CAD: variants seen among roughly 807,000 people sequenced by gnomAD.
CAD encodes the protein multifunctional protein CAD.
Under a neutral mutation model 237.2 loss-of-function variants are expected in CAD, and 81 were observed. That is an observed-to-expected ratio of 0.34 (90% CI 0.29 to 0.41). CAD has a LOEUF of 0.41. CAD is among the 10% of genes least tolerant of loss of function. The pLI is 1.00. For synonymous variants in CAD, 1,196 were observed against 1,162.8 expected (o/e 1.03, Z -0.58); for missense variants, 2,181 against 2,951.7 (o/e 0.74, Z 6.05).
chr2:27,240,820 T>C lies in CAD; in HGVS notation c.5594-91T>C, dbSNP rs2148095365. The C allele has an allele frequency of 7.0e-7, 1 of 1,432,522 alleles. No individual in the cohort carries two copies. Among genetic ancestry groups the C allele is most frequent in the Non-Finnish European group, 9.8e-7 (1 of 1,022,758 alleles). The allele number at this position is 1,432,522 out of a possible 1,614,324, so 88.7% of individuals were successfully genotyped here. A position where few individuals can be genotyped will look rare whatever the true frequency, so the allele number is the denominator to read the frequency against. On this transcript the variant is annotated intron_variant, in intron 35 of 43. Transcript: ENST00000264705. This position sits in a 1 kb window ranked among gnomAD's most constrained non-coding sequence, Gnocchi z 4.6. ...TACTGTGTTGTGAATTGGTTTAACA[T>C]ATACACTGTGATTCAGAGTTCCTGG...
At position 27,233,375 on chromosome 2, in the gene CAD, C is replaced by T. The variant is rs759374129; in HGVS notation, c.3055C>T (p.Leu1019=). ...EGVILSMGGQ[L]PNNMAMALHR... ...TGTGATCCTATCCATGGGTGGACAGCTGCCCAACAACATGGCCATGGCGTT... is the reference window on the plus strand; with the variant it reads ...TGTGATCCTATCCATGGGTGGACAGTTGCCCAACAACATGGCCATGGCGTT... The change falls in exon 20 of 44, where the codon CTG becomes TTG. Residue 1019 remains leucine, a synonymous_variant. Transcript: ENST00000264705. The surrounding 1 kb of genome is among the most constrained non-coding windows in gnomAD (Gnocchi z 6.3). 2 of 1,614,262 alleles carry T rather than the reference C, an allele frequency of 1.2e-6. No individual in the cohort carries two copies. Among genetic ancestry groups the T allele is most frequent in the Non-Finnish European group, 1.7e-6 (2 of 1,180,044 alleles).
In CAD at chr2:27,225,955, G is replaced by A. The variant is rs769597250; in HGVS notation, c.1842+29G>A. ...AGTGAATGGGGGAAGGGTGGGCGTC[G>A]TGTCAGGCAGGATGAGCTTTTGGAA... On this transcript the variant is annotated intron_variant, in intron 12 of 43. Coordinates refer to ENST00000264705, the MANE Select transcript of CAD (RefSeq NM_004341.5). The A allele has an allele frequency of 4.3e-5, 68 of 1,598,402 alleles. No homozygotes were observed. In the Middle Eastern group the frequency reaches 5.0e-4, roughly 12 times the overall value.
In CAD at chr2:27,237,763, G is replaced by A; in HGVS notation, c.4609G>A (p.Ala1537Thr). 6.2e-7 allele frequency: 1 copy of A among 1,614,228 alleles called. No individual in the cohort carries two copies. The highest frequency in any genetic ancestry group is 8.5e-7 in the Non-Finnish European group (1 of 1,180,040). Residue 1537 changes from alanine (A) to threonine (T), a missense_variant, in exon 29 of 44, where the codon GCC becomes ACC. Physicochemically the swap from Ala to Thr is moderately conservative, Grantham distance 58 (BLOSUM62 0). This residue lies in a region of CAD where 478 missense variants were observed against 515.0 expected (regional missense o/e 0.93). Transcript: ENST00000264705. This position sits in a 1 kb window ranked among gnomAD's most constrained non-coding sequence, Gnocchi z 4.0. ...ARCDFALFLG[A>T]SSENAGTLGT... Reference sequence around the variant, plus strand: ...GTGCGACTTTGCGCTATTCCTTGGGGCCTCGTCTGAAAATGCAGGAACCTT... The same window carrying A: ...GTGCGACTTTGCGCTATTCCTTGGGACCTCGTCTGAAAATGCAGGAACCTT...
At position 27,239,835 on chromosome 2, in the gene CAD, T is replaced by G. The variant is rs745747825; in HGVS notation, c.5496+37T>G. ...ACTGGGCTAGGGGGCTGGGAGGTGT[T>G]AGTCTCAGGGCAGGATGAACAGCTT... On this transcript the variant is annotated intron_variant, in intron 34 of 43. Coordinates refer to ENST00000264705, the MANE Select transcript of CAD (RefSeq NM_004341.5). The surrounding 1 kb of genome is among the most constrained non-coding windows in gnomAD (Gnocchi z 4.0). 1 of 1,405,342 alleles carries G rather than the reference T, an allele frequency of 7.1e-7. No homozygotes were observed. The highest frequency in any genetic ancestry group is 9.7e-7 in the Non-Finnish European group (1 of 1,035,792). 87.1% of individuals were successfully genotyped at this position (1,405,342 alleles called of 1,614,324 possible).
rs1021861119 is a variant in CAD, at chr2:27,240,417, C to G, written c.5593+56C>G. Reference sequence around the variant, plus strand: ...TGTGTAGGGACAGGATCCACTTCTTCCCAGTGCCTCGCCTTTCTCTACTTA... The same window carrying G: ...TGTGTAGGGACAGGATCCACTTCTTGCCAGTGCCTCGCCTTTCTCTACTTA... On this transcript the variant is annotated intron_variant, in intron 35 of 43. Transcript: ENST00000264705. The surrounding 1 kb of genome is among the most constrained non-coding windows in gnomAD (Gnocchi z 4.6). The G allele has an allele frequency of 1.9e-6, 3 of 1,542,322 alleles. No individual in the cohort carries two copies. The highest frequency in any genetic ancestry group is 2.7e-5 in the African/African-American group (2 of 73,458).
At position 27,225,940 on chromosome 2, in the gene CAD, G is replaced by A; in HGVS notation, c.1842+14G>A. On this transcript the variant is annotated intron_variant, in intron 12 of 43. Coordinates refer to ENST00000264705, the MANE Select transcript of CAD (RefSeq NM_004341.5). ...AACTGTGTCACGGTGAGTGAATGGG[G>A]GAAGGGTGGGCGTCGTGTCAGGCAG... is the stretch of plus-strand genomic sequence containing the variant. 6.2e-7 allele frequency: 1 copy of A among 1,607,804 alleles called. No individual in the cohort carries two copies. The highest frequency in any genetic ancestry group is 1.3e-5 in the African/African-American group (1 of 74,936).
In CAD at chr2:27,218,033, C is replaced by CT. The variant is rs1324901096; in HGVS notation, c.222+20dup. On this transcript the variant is annotated intron_variant, in intron 2 of 43. Transcript: ENST00000264705. Reference sequence around the variant, plus strand: ...CTCTGCAAGGTAGCCACACCCAGTGCTTTCTCTACATTCCTTTTCAAGTCA... The same window carrying CT: ...CTCTGCAAGGTAGCCACACCCAGTGCTTTTCTCTACATTCCTTTTCAAGTCA... 1 of 1,577,704 alleles carries CT rather than the reference C, an allele frequency of 6.3e-7. No homozygotes were observed.
In CAD at chr2:27,237,272, C is replaced by T; in HGVS notation, c.4397-107C>T. On this transcript the variant is annotated intron_variant, in intron 27 of 43. Coordinates refer to ENST00000264705, the MANE Select transcript of CAD (RefSeq NM_004341.5). This position sits in a 1 kb window ranked among gnomAD's most constrained non-coding sequence, Gnocchi z 4.0. The stretch of plus-strand genomic sequence containing the variant: ...CTCCTGATCTCAGGTGATCTGCCCA[C>T]CTCGGCCTCCCAAAGTGCTAGGATT... 8.4e-7 allele frequency: 1 copy of T among 1,189,080 alleles called. No individual in the cohort carries two copies. The highest frequency in any genetic ancestry group is 1.2e-6 in the Non-Finnish European group (1 of 814,646). 73.7% of individuals were successfully genotyped at this position (1,189,080 alleles called of 1,614,324 possible). A position where few individuals can be genotyped will look rare whatever the true frequency, so the allele number is the denominator to read the frequency against.
In CAD at chr2:27,231,965, C is replaced by T. The variant is rs1480887504; in HGVS notation, c.2401-15C>T. On this transcript the variant is annotated splice_polypyrimidine_tract_variant and intron_variant, in intron 16 of 43. Coordinates refer to ENST00000264705, the MANE Select transcript of CAD (RefSeq NM_004341.5). The stretch of plus-strand genomic sequence containing the variant: ...GCTGGCAGTAGCTTCCGTCTGTCTA[C>T]CCCCTTTCTATCAGGAGTTGGAGAC... The T allele has an allele frequency of 6.2e-7, 1 of 1,614,132 alleles. No homozygotes were observed. The highest frequency in any genetic ancestry group is 8.5e-7 in the Non-Finnish European group (1 of 1,179,978).
At position 27,225,174 on chromosome 2, in the gene CAD, C is replaced by T. The variant is rs201009278; in HGVS notation, c.1551C>T (p.Ala517=). 1.2e-6 allele frequency: 2 copies of T among 1,614,186 alleles called. No homozygotes were observed. Among genetic ancestry groups the T allele is most frequent in the Non-Finnish European group, 1.7e-6 (2 of 1,180,018 alleles). Residue 517 remains alanine, a synonymous_variant, in exon 11 of 44, where the codon GCC becomes GCT. Coordinates refer to ENST00000264705, the MANE Select transcript of CAD (RefSeq NM_004341.5). ...TTGAGCTGACCGAGGATCGACGGGC[C>T]TTTGCTGCCAGAATGGCAGAGATCG... The part of the protein sequence containing the change: ...ETIELTEDRR[A]FAARMAEIGE...
In CAD at chr2:27,234,551, C is replaced by G; in HGVS notation, c.3652C>G (p.Arg1218Gly). ...GCTGAAAGTTATTGAATGCAACGTA[C>G]GTGTCTCTCGCTCCTTCCCCTTCGT... The part of the protein sequence containing the change: ...DQLKVIECNV[R>G]VSRSFPFVSK... The change falls in exon 23 of 44, where the codon CGT becomes GGT. Residue 1218 changes from arginine to glycine, a missense_variant. Physicochemically the swap from Arg to Gly is moderately radical, Grantham distance 125. Transcript: ENST00000264705. 6.2e-7 allele frequency: 1 copy of G among 1,614,010 alleles called. No homozygotes were observed. The highest frequency in any genetic ancestry group is 8.5e-7 in the Non-Finnish European group (1 of 1,179,882).
At chr2:27,228,959 G>A (rs1412411929) in intron 15 of CAD, among the ~76,000 whole-genome samples, 13 of 117,116 alleles carry the variant, frequency 1.1e-4, no homozygotes, top group Middle Eastern at 8.5e-3. Context: ...TTCCTCTGTC[G>A]CCAGGCTGGA....
rs1675258120 is a variant in CAD at position 27,223,110 on chromosome 2, G to A, written c.809+73G>A. 1.1e-5 allele frequency: 17 copies of A among 1,496,822 alleles called. No homozygotes were observed. The South Asian group carries it at 1.6e-4, about 14-fold the overall frequency. The allele number at this position is 1,496,822 out of a possible 1,614,324, so 92.7% of individuals were successfully genotyped here. On this transcript the variant is annotated intron_variant, in intron 6 of 43. Coordinates refer to ENST00000264705, the MANE Select transcript of CAD (RefSeq NM_004341.5). ...GTGGGGTGTCTCAGGAATGAGAAGA[G>A]AGTTGGTGTTTATTCGTGTTGAAAT...
chr2:27,238,216 C>A, intron 30 of CAD, 29 bp downstream of exon 30: 1 of 1,610,150 alleles, frequency 6.2e-7, no homozygotes, highest in Non-Finnish European at 8.5e-7. Flanking sequence ...TCCTGCTGTC[C>A]CTGTTGCTTT....
chr2:27,223,168 C>T (rs898852235), intron 6 of CAD, 131 bp downstream of exon 6: 15 of 921,704 alleles, frequency 1.6e-5, no homozygotes, highest in Non-Finnish European at 2.3e-5. Flanking sequence ...AGGTGGCTCC[C>T]ACCTGTAATC....
intron 2 of CAD, 45 bp from the exon 3 acceptor site, chr2:27,221,173 A>G: frequency 6.8e-7 from 1 of 1,481,180 alleles, no homozygotes; most frequent in Non-Finnish European, 9.0e-7. Context: ...TGCTGCAAAG[A>G]AATAACTTGG....
chr2:27,224,104 C>T, intron 8 of CAD, 75 bp downstream of exon 8: 3 of 1,102,240 alleles, frequency 2.7e-6, no homozygotes, highest in South Asian at 2.5e-5. Flanking sequence ...GGTGGACATG[C>T]CCTGGGCAAC....
At position 27,223,551 on chromosome 2, in the gene CAD, T is replaced by C. The variant is rs1459633506; in HGVS notation, c.810-12T>C. 1.2e-6 allele frequency: 2 copies of C among 1,611,582 alleles called. No homozygotes were observed. Among genetic ancestry groups the C allele is most frequent in the Admixed American group, 3.3e-5 (2 of 60,004 alleles). On this transcript the variant is annotated splice_polypyrimidine_tract_variant and intron_variant, in intron 6 of 43. Coordinates refer to ENST00000264705, the MANE Select transcript of CAD (RefSeq NM_004341.5). ...GAGCAGGGCCTGTGACTCGGCATGC[T>C]TCTACCTCCAGATATGGGAACCGAG...
Position 27,225,100 on chromosome 2 carries a change from G to A in CAD, c.1477G>A (p.Val493Met), listed in dbSNP as rs1411406053. 3.1e-6 allele frequency: 5 copies of A among 1,614,186 alleles called. No homozygotes were observed. Among genetic ancestry groups the A allele is most frequent in the Non-Finnish European group, 3.4e-6 (4 of 1,180,042 alleles). The change falls in exon 11 of 44, where the codon GTG becomes ATG. Residue 493 changes from valine (V) to methionine (M), a missense_variant. Coordinates refer to ENST00000264705, the MANE Select transcript of CAD (RefSeq NM_004341.5). ...TGGTGTGGAGCTGACCAAGGCCGGG[G>A]TGCTGGCTCGGTATGGGGTCCGGGT... ...NCGVELTKAG[V>M]LARYGVRVLG...
Sources: gnomAD v4.1 joint callset for allele counts (sites outside exome capture counted in the v4.1 genomes callset) on GRCh38, gnomAD v4.1.1 for gene constraint, gnomAD v4.1.1 regional missense constraint, Gnocchi (gnomAD v3.1) non-coding constraint, MANE v1.5 for transcripts, NCBI Gene and HGNC (gene_info 2026-07-23, HGNC 2026-07-21) for gene names.